The following KCP variants were observed in gnomAD, a reference collection of about 807,000 sequenced individuals.
KCP encodes kielin/chordin-like protein.
In KCP, 194 loss-of-function variants were observed where a neutral mutation model predicts 212.7. That is an observed-to-expected ratio of 0.91 (90% CI 0.81 to 1.03). KCP has a LOEUF of 1.03. Ranked by LOEUF, KCP falls within the 50% of genes least tolerant of loss-of-function variation. The pLI is 0.00. For synonymous variants in KCP, 833 were observed against 865.3 expected (o/e 0.96, Z 0.65); for missense variants, 2,080 against 2,162.5 (o/e 0.96, Z 0.76).
chr7:128,893,621 C>G (rs1043468648), intron 11 of KCP, 145 bp from the exon 12 acceptor site: 12 of 964,294 alleles, frequency 1.2e-5, no homozygotes, highest in Admixed American at 6.7e-5. Flanking sequence ...CCCTGCCCCC[C>G]ACAGCTATGC....
chr7:128,890,103 A>G (rs1793994698), intron 21 of KCP: 2 of 607,456 alleles, frequency 3.3e-6, no homozygotes, highest in African/African-American at 1.9e-5. Context: ...TTTTTTGTGT[A>G]GAGACAAGAT....
intron 11 of KCP, 140 bp downstream of exon 11, chr7:128,893,666 G>T: frequency 1.9e-6 from 2 of 1,027,276 alleles, no homozygotes; most frequent in Non-Finnish European, 2.8e-6. Context: ...GTGCCAGTTT[G>T]CCATGAGAAG....
At position 128,891,480 on chromosome 7, in the gene KCP, A is replaced by G; in HGVS notation, c.1849T>C (p.Ser617Pro). 6.5e-7 allele frequency: 1 copy of G among 1,550,144 alleles called. No homozygotes were observed. Among genetic ancestry groups the G allele is most frequent in the Non-Finnish European group, 8.7e-7 (1 of 1,146,686 alleles). ...YPSGADFPHPSDPCRLCRCLS... is the reference protein window; with the variant it reads ...YPSGADFPHPPDPCRLCRCLS... ...CAGCGACACAGACGGCAGGGGTCAGAGGGGTGGGGGAAGTCCGCTCCGCTG... is the reference window on the plus strand; with the variant it reads ...CAGCGACACAGACGGCAGGGGTCAGGGGGGTGGGGGAAGTCCGCTCCGCTG... The change falls in exon 18 of 40, where the codon TCT becomes CCT. Residue 617 changes from serine (S) to proline (P), a missense_variant. Ser to Pro is a moderately conservative substitution (Grantham distance 74). Coordinates refer to ENST00000610776, the MANE Select transcript of KCP (RefSeq NM_001366122.1).
At position 128,907,432 on chromosome 7, in the gene KCP, C is replaced by G; in HGVS notation, c.241G>C (p.Val81Leu). Reference sequence around the variant, plus strand: ...CACTCACAGGACTCCAGCTGCCTCACCCTCGTCTGCAGGTCCTTATTCTGG... The same window carrying G: ...CACTCACAGGACTCCAGCTGCCTCAGCCTCGTCTGCAGGTCCTTATTCTGG... The part of the protein sequence containing the change: ...REQNKDLQTR[V>L]RQLESCECHP... Residue 81 changes from valine to leucine, a missense_variant, in exon 3 of 40, where the codon GTG becomes CTG. Coordinates refer to ENST00000610776, the MANE Select transcript of KCP (RefSeq NM_001366122.1). 3 of 1,501,652 alleles carry G rather than the reference C, an allele frequency of 2.0e-6. No individual in the cohort carries two copies. Among genetic ancestry groups the G allele is most frequent in the East Asian group, 2.5e-5 (1 of 39,638 alleles). 93.0% of individuals were successfully genotyped at this position (1,501,652 alleles called of 1,614,324 possible). A position where few individuals can be genotyped will look rare whatever the true frequency, so the allele number is the denominator to read the frequency against.
chr7:128,905,751 A>G (rs1795091635), intron 5 of KCP, among the ~76,000 whole-genome samples: 1 of 151,958 alleles, frequency 6.6e-6, no homozygotes, highest in African/African-American at 2.4e-5. Context: ...GCCTTCCCAC[A>G]TGGACTTCCT....
intron 13 of KCP, 64 bp downstream of exon 13, chr7:128,893,174 C>A: frequency 1.4e-6 from 2 of 1,468,178 alleles, no homozygotes; most frequent in Non-Finnish European, 1.9e-6. Flanking sequence ...GGAAGGAGCA[C>A]CCTCCTTCTG....
chr7:128,877,712 C>T lies in KCP; in HGVS notation c.4390G>A (p.Ala1464Thr), dbSNP rs916373105. ...CACCGGGCATTGGCCTCACGCCTGG[C>T]ACGGTAACCTGCTGCCCGGCACGGA... ...VDPCRAAGYR[A>T]RREANARCGV... Residue 1464 changes from alanine to threonine, a missense_variant, in exon 39 of 40, where the codon GCC (alanine) becomes ACC (threonine). Ala to Thr is a moderately conservative substitution (Grantham distance 58). Coordinates refer to ENST00000610776, the MANE Select transcript of KCP (RefSeq NM_001366122.1). 2.3e-5 allele frequency: 36 copies of T among 1,551,084 alleles called. No individual in the cohort carries two copies. The highest frequency in any genetic ancestry group is 3.1e-5 in the Non-Finnish European group (36 of 1,146,984).
At chr7:128,889,099 G>A (rs1230640806) in intron 21 of KCP, 60 bp from the exon 22 acceptor site, 3 of 1,338,446 alleles carry the variant, frequency 2.2e-6, no homozygotes, top group African/African-American at 3.0e-5. Flanking sequence ...GAGGGCAGTG[G>A]TCATAGGCTC....
chr7:128,878,419 C>T, intron 38 of KCP, 139 bp downstream of exon 38: 2 of 950,950 alleles, frequency 2.1e-6, no homozygotes, highest in South Asian at 1.8e-5. Context: ...AAGAAGCCCC[C>T]ACACCTCCCT....
In KCP at chr7:128,881,060, C is replaced by T. The variant is rs1452522615; in HGVS notation, c.3450G>A (p.Arg1150=). Residue 1150 remains arginine (R), a synonymous_variant, in exon 32 of 40, where the codon CGG becomes CGA. Transcript: ENST00000610776. ...CRECVVEAEG[R]RVADGESWRD... is the part of the protein sequence containing the mutation. ...GCCAGCTCTCTCCATCTGCCACTCT[C>T]CGGCCCTCGGCCTCCACCACACATT... 22 of 398,832 alleles carry T rather than the reference C, an allele frequency of 5.5e-5. No homozygotes were observed. In the East Asian group the frequency reaches 7.8e-4, roughly 14 times the overall value. 24.7% of individuals were successfully genotyped at this position (398,832 alleles called of 1,614,324 possible).
intron 7 of KCP, 107 bp from the exon 8 acceptor site, chr7:128,902,966 C>A: frequency 1.2e-6 from 1 of 807,720 alleles, no homozygotes; most frequent in Non-Finnish European, 2.1e-6. Context: ...GGCTCTCTCC[C>A]GAGCCAAGAC....
At chr7:128,899,205 T>C (rs985010766) in intron 8 of KCP, among the ~76,000 whole-genome samples, 1 of 152,230 alleles carries the variant, frequency 6.6e-6, no homozygotes, top group African/African-American at 2.4e-5. Context: ...ACTTAGTGTA[T>C]GTTATTAATA....
intron 4 of KCP, 78 bp downstream of exon 4, chr7:128,907,023 G>T: frequency 7.3e-7 from 1 of 1,372,138 alleles, no homozygotes; most frequent in Non-Finnish European, 1.0e-6. Flanking sequence ...GCGACATCTT[G>T]AGTGCCACGC....
At chr7:128,907,573 A>G in intron 2 of KCP, 120 bp from the exon 3 acceptor site, 1 of 621,920 alleles carries the variant, frequency 1.6e-6, no homozygotes, top group Non-Finnish European at 2.5e-6. Flanking sequence ...CAGAGCAGAG[A>G]TGGGTCCCCC....
At chr7:128,910,247 C>T (rs1795360332) in intron 1 of KCP, among the ~76,000 whole-genome samples, 1 of 152,218 alleles carries the variant, frequency 6.6e-6, no homozygotes, top group Non-Finnish European at 1.5e-5. Context: ...TGTCCTGCTC[C>T]GGGGAGGGCC....
At chr7:128,879,408 G>C in intron 37 of KCP, 114 bp downstream of exon 37, 1 of 832,836 alleles carries the variant, frequency 1.2e-6, no homozygotes, top group East Asian at 2.7e-5. Flanking sequence ...CCCACTCCTT[G>C]CCTTTTTTGG....
At position 128,877,422 on chromosome 7, in the gene KCP, C is replaced by T. The variant is rs532126274; in HGVS notation, c.4618+62G>A. The stretch of plus-strand genomic sequence containing the variant: ...CGGCCTGGTCCTGCCCTGAGCCCTC[C>T]GGGCTGCCCTTCTTCTCTGTGCTGA... On this transcript the variant is annotated intron_variant, in intron 39 of 39. Coordinates refer to ENST00000610776, the MANE Select transcript of KCP (RefSeq NM_001366122.1). The T allele has an allele frequency of 3.5e-5, 54 of 1,535,916 alleles. No individual in the cohort carries two copies. In the African/African-American group the frequency reaches 4.3e-4, roughly 12 times the overall value.
chr7:128,907,568 C>T, intron 2 of KCP, 115 bp from the exon 3 acceptor site: 1 of 648,404 alleles, frequency 1.5e-6, no homozygotes, highest in Admixed American at 3.7e-5. Flanking sequence ...AATTCCAGAG[C>T]AGAGATGGGT....
intron 33 of KCP, 29 bp from the exon 34 acceptor site, chr7:128,880,557 C>G: frequency 7.2e-7 from 1 of 1,390,310 alleles, no homozygotes; most frequent in Non-Finnish European, 9.4e-7. Context: ...GGAGGGTCAG[C>G]TGCTCCTCCC....
Sources: allele counts gnomAD v4.1 joint callset (sites outside exome capture counted in the v4.1 genomes callset), GRCh38; gene constraint gnomAD v4.1.1; transcripts MANE v1.5; gene names NCBI Gene and HGNC (gene_info 2026-07-23, HGNC 2026-07-21).